TSNARE1: variants seen among roughly 807,000 people sequenced by gnomAD.
The protein encoded by TSNARE1 is t-SNARE domain containing 1.
A neutral mutation model predicts 62.0 loss-of-function variants in TSNARE1; 49 were observed. That is an observed-to-expected ratio of 0.79 (90% CI 0.63 to 1.00). TSNARE1 has a LOEUF of 1.00. Among genes scored for constraint, TSNARE1 ranks in the 50% least tolerant of loss-of-function variants. TSNARE1 has a pLI of 0.00. For synonymous variants in TSNARE1, 328 were observed against 294.4 expected (o/e 1.11, Z -1.17); for missense variants, 755 against 700.1 (o/e 1.08, Z -0.88).
At chr8:142,378,010 G>A (rs947525832) in intron 1 of TSNARE1, among the ~76,000 whole-genome samples, 7 of 152,208 alleles carry the variant, frequency 4.6e-5, no homozygotes, top group East Asian at 1.9e-4. Flanking sequence ...ACAGGGATCC[G>A]CGCGGTGAAC....
intron 12 of TSNARE1, among the ~76,000 whole-genome samples, chr8:142,245,116 CCA>C (rs957157294): frequency 2.0e-5 from 3 of 152,168 alleles, no homozygotes; most frequent in African/African-American, 7.2e-5. Flanking sequence ...CAAATGGAGA[CCA>C]CACTTAGTTA....
At chr8:142,242,100 C>G (rs1817689922) in intron 12 of TSNARE1, among the ~76,000 whole-genome samples, 1 of 152,218 alleles carries the variant, frequency 6.6e-6, no homozygotes, top group Admixed American at 6.5e-5. Flanking sequence ...ACAATCAACT[C>G]AAAATGGATG....
chr8:142,318,276 T>C (rs1007519714), intron 7 of TSNARE1, among the ~76,000 whole-genome samples: 7 of 152,172 alleles, frequency 4.6e-5, no homozygotes, highest in African/African-American at 1.7e-4. Flanking sequence ...AGGGTGCTCT[T>C]GTCCCCACTA....
At chr8:142,217,379 G>GAAAGAAAGAAAGAAGA (rs1563750495) in intron 13 of TSNARE1, among the ~76,000 whole-genome samples, 1 of 138,898 alleles carries the variant, frequency 7.2e-6, no homozygotes, top group African/African-American at 2.9e-5. Flanking sequence ...AAGAAAAAAG[G>GAAAGAAAGAAAGAAGA]GAAAGAAAGA....
rs778830875 is a variant in TSNARE1 at position 142,278,873 on chromosome 8, G to A, written c.1364-4010C>T. On this transcript the variant is annotated intron_variant, in intron 11 of 13. Coordinates refer to ENST00000524325, the MANE Select transcript of TSNARE1 (RefSeq NM_145003.5). ...GCCAGAGTGAGGCACAGCGTGGGGC[G>A]GGGAAGAGTCAAGCTGGGGCCCAGG... 1,495 of 896,960 alleles carry A rather than the reference G, an allele frequency of 1.7e-3. 4 individuals are homozygous for A. The highest frequency in any genetic ancestry group is 1.9e-3 in the Non-Finnish European group (1,414 of 749,260). 55.6% of individuals were successfully genotyped at this position (896,960 alleles called of 1,614,324 possible). A position where few individuals can be genotyped will look rare whatever the true frequency, so the allele number is the denominator to read the frequency against.
chr8:142,352,624 C>T (rs1586974776), intron 2 of TSNARE1, among the ~76,000 whole-genome samples: 1 of 152,264 alleles, frequency 6.6e-6, no homozygotes, highest in African/African-American at 2.4e-5. Context: ...GCCACAGCCA[C>T]GCGCAACGTG....
intron 13 of TSNARE1, among the ~76,000 whole-genome samples, chr8:142,212,689 C>T (rs1373741935): frequency 7.9e-5 from 12 of 151,936 alleles, no homozygotes; most frequent in Admixed American, 5.2e-4. Context: ...CCCTGCCTGG[C>T]GCACCCACCG....
intron 6 of TSNARE1, among the ~76,000 whole-genome samples, chr8:142,320,817 C>T (rs772911203): frequency 7.9e-5 from 12 of 152,232 alleles, no homozygotes; most frequent in African/African-American, 1.4e-4. Flanking sequence ...TTCTCTGCTC[C>T]GCGCTGACCT....
At chr8:142,348,611 C>T (rs1380600572) in intron 2 of TSNARE1, among the ~76,000 whole-genome samples, 1 of 134,456 alleles carries the variant, frequency 7.4e-6, no homozygotes, top group Admixed American at 7.3e-5. Context: ...CAGGCTGCCC[C>T]AAAGCTGGCT....
chr8:142,227,090 A>G (rs1262601027), intron 13 of TSNARE1, among the ~76,000 whole-genome samples: 2 of 117,682 alleles, frequency 1.7e-5, no homozygotes, highest in Non-Finnish European at 3.6e-5. Flanking sequence ...GACAGCCAGG[A>G]ACCCCACTGC....
chr8:142,279,709 G>A (rs939842637), intron 11 of TSNARE1, among the ~76,000 whole-genome samples: 2 of 152,188 alleles, frequency 1.3e-5, no homozygotes, highest in Non-Finnish European at 2.9e-5. Flanking sequence ...TGGGCCAGGA[G>A]GGTGGCGGGC....
At chr8:142,300,703 G>C (rs1293911121) in intron 9 of TSNARE1, 59 bp from the exon 10 acceptor site, 10 of 1,550,474 alleles carry the variant, frequency 6.4e-6, no homozygotes, top group Non-Finnish European at 8.7e-6. Context: ...CCACAACCCA[G>C]GCCCAGAAAT....
At chr8:142,282,442 A>G (rs563320511) in intron 11 of TSNARE1, among the ~76,000 whole-genome samples, 1 of 151,508 alleles carries the variant, frequency 6.6e-6, no homozygotes, top group Admixed American at 6.6e-5. Context: ...AGCAGGGGCC[A>G]GTGTCTATCA....
intron 4 of TSNARE1, among the ~76,000 whole-genome samples, chr8:142,334,120 C>T (rs916394052): frequency 2.6e-5 from 4 of 152,206 alleles, no homozygotes; most frequent in African/African-American, 9.6e-5. Flanking sequence ...TGAATTTTGG[C>T]CAAACAAAGC....
chr8:142,344,843 C>G (rs1465872416), intron 3 of TSNARE1, among the ~76,000 whole-genome samples: 1 of 152,224 alleles, frequency 6.6e-6, no homozygotes, highest in Non-Finnish European at 1.5e-5. Flanking sequence ...TGGGCTGCTC[C>G]CGGGATCAGC....
intron 9 of TSNARE1, among the ~76,000 whole-genome samples, chr8:142,311,333 T>C (rs1827593129): frequency 6.9e-6 from 1 of 145,678 alleles, no homozygotes. Flanking sequence ...GTTTTGCTCT[T>C]GTTGCCCAGG....
At chr8:142,377,314 G>A (rs190411770) in intron 1 of TSNARE1, among the ~76,000 whole-genome samples, 7 of 151,136 alleles carry the variant, frequency 4.6e-5, no homozygotes, top group East Asian at 1.9e-4. Context: ...CAAAAGCAAC[G>A]TTATCCACAC....
intron 12 of TSNARE1, chr8:142,273,922 T>TC: frequency 2.0e-6 from 2 of 984,962 alleles, no homozygotes; most frequent in Non-Finnish European, 2.4e-6. Context: ...TGTCCTGGGC[T>TC]CGTCTGGCTG....
chr8:142,289,807 GAACA>G (rs769566819), intron 10 of TSNARE1, among the ~76,000 whole-genome samples: 26 of 152,366 alleles, frequency 1.7e-4, no homozygotes, highest in Non-Finnish European at 2.5e-4. Flanking sequence ...GCTGGTCCCA[GAACA>G]AACAGAGGAC....
Sources: allele counts gnomAD v4.1 joint callset (sites outside exome capture counted in the v4.1 genomes callset), GRCh38; gene constraint gnomAD v4.1.1; transcripts MANE v1.5; gene names NCBI Gene and HGNC (gene_info 2026-07-23, HGNC 2026-07-21).